The following IPO4 variants were observed in gnomAD, a reference collection of about 807,000 sequenced individuals.
IPO4 encodes importin 4, also known as importin-4.
In IPO4, 91 loss-of-function variants were observed where a neutral mutation model predicts 133.5. That is an observed-to-expected ratio of 0.68 (90% CI 0.58 to 0.81). The LOEUF (loss-of-function observed/expected upper bound fraction) is 0.81, where lower values mean the gene tolerates loss of function less well. Among genes scored for constraint, IPO4 ranks in the 30% least tolerant of loss-of-function variants. The pLI is 0.00. For synonymous variants in IPO4, 607 were observed against 581.6 expected, an observed-to-expected ratio of 1.04 and a Z score of -0.63; for missense variants, 1,279 against 1,386.2, an observed-to-expected ratio of 0.92 and a Z score of 1.23.
chr14:24,180,961 T>C (rs77725555), intron 28 of IPO4, among the ~76,000 whole-genome samples: 6,443 of 152,142 alleles, frequency 0.042, 382 homozygotes, highest in African/African-American at 0.13. Context: ...GAATGGGGGA[T>C]GTGGGACAAG....
Position 24,184,001 on chromosome 14 carries a change from A to C in IPO4, c.1866T>G (p.Ile622Met). 8.1e-7 allele frequency: 1 copy of C among 1,236,348 alleles called. No individual in the cohort carries two copies. The highest frequency in any genetic ancestry group is 1.1e-6 in the Non-Finnish European group (1 of 919,288). The allele number at this position is 1,236,348 out of a possible 1,614,324, so 76.6% of individuals were successfully genotyped here. A position where few individuals can be genotyped will look rare whatever the true frequency, so the allele number is the denominator to read the frequency against. Residue 622 changes from isoleucine to methionine, a missense_variant, in exon 18 of 30, where the codon ATT (isoleucine) becomes ATG (methionine). By Grantham distance (10) the Ile-to-Met change is conservative (BLOSUM62 1). This residue lies in a region of IPO4 where 575 missense variants were observed against 653.4 expected (regional missense o/e 0.88). Transcript: ENST00000354464. Reference sequence around the variant, plus strand: ...AGCCCACCCACCCTTTGCTCACCACAATGCCCTCGGTGGAACGCAGTGACA... The same window carrying C: ...AGCCCACCCACCCTTTGCTCACCACCATGCCCTCGGTGGAACGCAGTGACA... Reference protein sequence around the residue: ...MLLSLRSTEGIVPQYDGSSSF... With the variant: ...MLLSLRSTEGMVPQYDGSSSF...
chr14:24,181,061 G>T (rs1393150454), intron 28 of IPO4, among the ~76,000 whole-genome samples: 1 of 152,192 alleles, frequency 6.6e-6, no homozygotes, highest in Non-Finnish European at 1.5e-5. Context: ...TAAGACAAGG[G>T]TGACACAAAC....
intron 9 of IPO4, 62 bp downstream of exon 9, chr14:24,186,646 A>G: frequency 6.7e-7 from 1 of 1,497,738 alleles, no homozygotes; most frequent in Non-Finnish European, 9.3e-7. Context: ...CGAAAGCCCC[A>G]GGAGTGAGAC....
intron 18 of IPO4, 26 bp downstream of exon 18, chr14:24,183,972 G>GGGGGCCCCCCCCCCC: frequency 6.4e-7 from 1 of 1,573,284 alleles, no homozygotes; most frequent in Non-Finnish European, 8.6e-7. Flanking sequence ...GGCAGGCCTG[G>GGGGGCCCCCCCCCCC]CCCAGCCCAC....
intron 9 of IPO4, 124 bp downstream of exon 9, chr14:24,186,584 G>T: frequency 7.3e-7 from 1 of 1,360,992 alleles, no homozygotes; most frequent in Non-Finnish European, 1.0e-6. Flanking sequence ...GCTGGGGTGA[G>T]GCCAGGCCAA....
chr14:24,181,464 T>C, intron 28 of IPO4, 49 bp downstream of exon 28: 1 of 1,464,538 alleles, frequency 6.8e-7, no homozygotes. Flanking sequence ...TGCCTATCAC[T>C]GAGTGGAGCG....
rs374088466 is a variant in IPO4 at position 24,183,498 on chromosome 14, T to C, written c.2079A>G (p.Pro693=). 7 of 1,613,772 alleles carry C rather than the reference T, an allele frequency of 4.3e-6. No individual in the cohort carries two copies. In the African/African-American group the frequency reaches 8.0e-5, roughly 18 times the overall value. The change falls in exon 21 of 30, where the codon CCA becomes CCG. Residue 693 remains proline, a synonymous_variant. Transcript: ENST00000354464. ...CTTCTTCAAAGACACTTTCCATGTA[T>C]GGAAGGAAGGCCACACTACAGAGAG... is the stretch of plus-strand genomic sequence containing the variant. ...ISVNTSVAFL[P]YMESVFEEVF... is the part of the protein sequence containing the mutation.
At chr14:24,182,430 C>T (rs1474072915) in intron 24 of IPO4, 27 bp from the exon 25 acceptor site, 2 of 1,596,916 alleles carry the variant, frequency 1.3e-6, no homozygotes, top group Admixed American at 3.5e-5. Context: ...GGGGCTGGAG[C>T]ACCAGGGCCA....
Position 24,187,724 on chromosome 14 carries a change from T to G in IPO4, c.351A>C (p.Pro117=). ...IFRKEGLEAW[P]QLLQLLQHST... is the part of the protein sequence containing the mutation. ...TGTGCTGAAGCAGCTGCAAAAGCTG[T>G]GGCCAGGCCTCCAAGCCTTCCTTTC... The change falls in exon 5 of 30, where the codon CCA becomes CCC. Residue 117 remains proline (P), a synonymous_variant. Coordinates refer to ENST00000354464, the MANE Select transcript of IPO4 (RefSeq NM_024658.4). The G allele has an allele frequency of 6.2e-7, 1 of 1,614,218 alleles. No homozygotes were observed. Among genetic ancestry groups the G allele is most frequent in the Non-Finnish European group, 8.5e-7 (1 of 1,180,028 alleles).
Position 24,187,735 on chromosome 14 carries a change from C to G in IPO4, c.340G>C (p.Glu114Gln). Residue 114 changes from glutamate (E) to glutamine (Q), a missense_variant, in exon 5 of 30, where the codon GAG becomes CAG. Around this residue, in one of 3 missense-constraint regions of IPO4, gnomAD observed 695 missense variants for 704.1 expected, o/e 0.99. Transcript: ENST00000354464. ...SATIFRKEGL[E>Q]AWPQLLQLLQ... ...AGCTGCAAAAGCTGTGGCCAGGCCT[C>G]CAAGCCTTCCTTTCGAAAAATGGTG... 1 of 1,614,202 alleles carries G rather than the reference C, an allele frequency of 6.2e-7. No homozygotes were observed. Among genetic ancestry groups the G allele is most frequent in the Non-Finnish European group, 8.5e-7 (1 of 1,180,040 alleles).
At chr14:24,183,730 C>T (rs1423468312) in intron 19 of IPO4, 53 bp downstream of exon 19, 21 of 1,614,014 alleles carry the variant, frequency 1.3e-5, no homozygotes, top group Non-Finnish European at 1.8e-5. Context: ...AGCACTAGGC[C>T]CTTGTCTAAA....
chr14:24,181,098 A>C (rs1470134438), intron 28 of IPO4, among the ~76,000 whole-genome samples: 1 of 152,224 alleles, frequency 6.6e-6, no homozygotes, highest in Non-Finnish European at 1.5e-5. Flanking sequence ...AAACCTAGCT[A>C]CTTGGTACAG....
intron 12 of IPO4, 130 bp from the exon 13 acceptor site, chr14:24,185,697 G>A: frequency 2.1e-6 from 2 of 963,076 alleles, no homozygotes; most frequent in Non-Finnish European, 3.2e-6. Flanking sequence ...AGCAGCCCCT[G>A]GTCCCTATAG....
intron 15 of IPO4, 40 bp downstream of exon 15, chr14:24,184,827 G>A (rs1053455352): frequency 2.5e-6 from 4 of 1,605,588 alleles, no homozygotes; most frequent in Non-Finnish European, 2.6e-6. Flanking sequence ...CAGGGCCTTT[G>A]GGTGAACCCC....
Position 24,185,873 on chromosome 14 carries a change from T to C in IPO4, c.1157A>G (p.His386Arg), listed in dbSNP as rs2039213785. ...LAVLSDGAGD[H>R]IRQRLLPPLL... ...GGGGAATACATACCTCTGCCTGATG[T>C]GGTCGCCAGCTCCGTCAGACAGCAC... Residue 386 changes from histidine (H) to arginine (R), a missense_variant, in exon 12 of 30, where the codon CAC becomes CGC. Around this residue, in one of 3 missense-constraint regions of IPO4, gnomAD observed 695 missense variants for 704.1 expected, o/e 0.99. Coordinates refer to ENST00000354464, the MANE Select transcript of IPO4 (RefSeq NM_024658.4). 6.2e-7 allele frequency: 1 copy of C among 1,613,484 alleles called. No homozygotes were observed. Among genetic ancestry groups the C allele is most frequent in the East Asian group, 2.2e-5 (1 of 44,880 alleles).
intron 13 of IPO4, 58 bp from the exon 14 acceptor site, chr14:24,185,370 G>A: frequency 6.2e-7 from 1 of 1,613,342 alleles, no homozygotes; most frequent in Admixed American, 1.7e-5. Context: ...ACACACAAGA[G>A]TGCTGATGGC....
chr14:24,182,925 CCAACCGAGGCCCAG>C lies in IPO4; in HGVS notation c.2421+37_2421+50del, dbSNP rs754805039. 135 of 1,613,356 alleles carry C rather than the reference CCAACCGAGGCCCAG, an allele frequency of 8.4e-5. No individual in the cohort carries two copies. In the African/African-American group the frequency reaches 1.4e-3, roughly 17 times the overall value. The stretch of plus-strand genomic sequence containing the variant: ...TAGGGGGTGGACTTGTAGCCAGTCC[CCAACCGAGGCCCAG>C]CACCTCTCCTTCCCGAAGCCCACCT... On this transcript the variant is annotated intron_variant, in intron 23 of 29. Transcript: ENST00000354464.
At chr14:24,182,544 C>T in intron 24 of IPO4, 141 bp from the exon 25 acceptor site, 2 of 1,230,768 alleles carry the variant, frequency 1.6e-6, no homozygotes, top group Non-Finnish European at 1.1e-6. Context: ...CTGGGTGTTT[C>T]CATGACCCAG....
At position 24,188,616 on chromosome 14, in the gene IPO4, A is replaced by G; in HGVS notation, c.92T>C (p.Val31Ala). The G allele has an allele frequency of 2.5e-6, 4 of 1,611,572 alleles. No homozygotes were observed. Among genetic ancestry groups the G allele is most frequent in the East Asian group, 2.2e-5 (1 of 44,800 alleles). ...IRRATEQLQI[V>A]LRAPAALPAL... ...CGGCAAAGCGGCGGGGGCCCGAAGA[A>G]CGATCTGGAGCTGTTCCGTGGCCTG... is the stretch of plus-strand genomic sequence containing the variant. The change falls in exon 2 of 30, where the codon GTT (valine) becomes GCT (alanine). Residue 31 changes from valine to alanine, a missense_variant. By Grantham distance (64) the Val-to-Ala change is moderately conservative. Around this residue, in one of 3 missense-constraint regions of IPO4, gnomAD observed 695 missense variants for 704.1 expected, o/e 0.99. Coordinates refer to ENST00000354464, the MANE Select transcript of IPO4 (RefSeq NM_024658.4).
Sources: allele counts gnomAD v4.1 joint callset (sites outside exome capture counted in the v4.1 genomes callset), GRCh38; gene constraint gnomAD v4.1.1; regional missense constraint gnomAD v4.1.1; transcripts MANE v1.5; gene names NCBI Gene and HGNC (gene_info 2026-07-23, HGNC 2026-07-21).